The following LTN1 variants were observed in gnomAD, a reference collection of about 807,000 sequenced individuals.
LTN1 encodes E3 ubiquitin-protein ligase listerin.
Under a neutral mutation model 201.2 loss-of-function variants are expected in LTN1, and 88 were observed. The observed-to-expected ratio is 0.44, with a 90% CI of 0.37 to 0.52. LTN1 has a LOEUF of 0.52. Ranked by LOEUF, LTN1 falls within the 20% of genes least tolerant of loss-of-function variation. The probability of loss-of-function intolerance (pLI) is 0.00; values close to 1 mark genes in which losing one functional copy is unlikely to be tolerated. For synonymous variants in LTN1, 645 were observed against 713.5 expected (o/e 0.90, Z 1.53); for missense variants, 1,752 against 2,038.7 (o/e 0.86, Z 2.71).
At chr21:28,933,300 G>A (rs2084226227) in intron 27 of LTN1, among the ~76,000 whole-genome samples, 1 of 151,672 alleles carries the variant, frequency 6.6e-6, no homozygotes, top group African/African-American at 2.4e-5. Flanking sequence ...TATTCCCACT[G>A]TTACTGCCTC....
At position 28,941,245 on chromosome 21, in the gene LTN1, G is replaced by A; in HGVS notation, c.4457C>T (p.Thr1486Ile). Residue 1486 changes from threonine to isoleucine, a missense_variant, in exon 25 of 30, where the codon ACT (threonine) becomes ATT (isoleucine). This residue lies in a region of LTN1 where 261 missense variants were observed against 350.1 expected (regional missense o/e 0.75). Coordinates refer to ENST00000361371, the MANE Select transcript of LTN1 (RefSeq NM_015565.3). ...CTGTGATGATGCAGCTTTGAAGAAA[G>A]TTAGTATTAATTTCCAAGTGAGAAG... ...GYLLTWKLIL[T>I]FFKAASSQLR... 1 of 1,611,640 alleles carries A rather than the reference G, an allele frequency of 6.2e-7. No individual in the cohort carries two copies. Among genetic ancestry groups the A allele is most frequent in the Admixed American group, 1.7e-5 (1 of 59,420 alleles).
chr21:28,931,919 G>A (rs56655285), intron 28 of LTN1, among the ~76,000 whole-genome samples: 1,773 of 152,170 alleles, frequency 0.012, 24 homozygotes, highest in East Asian at 0.062. Flanking sequence ...CAGCAGAATC[G>A]CTTGAACTGG....
rs1312804405 is a variant in LTN1 at position 28,946,234 on chromosome 21, C to A, written c.3541G>T (p.Asp1181Tyr). The change falls in exon 20 of 30, where the codon GAT becomes TAT. Residue 1181 changes from aspartate to tyrosine, a missense_variant. By Grantham distance (160) the Asp-to-Tyr change is radical (BLOSUM62 -3). Around this residue, in one of 3 missense-constraint regions of LTN1, gnomAD observed 1,211 missense variants for 1,312.8 expected, o/e 0.92. Transcript: ENST00000361371. ...FNSCLQTKSI[D>Y]DGELLHGILK... ...ATTCCATGTAATAGCTCTCCATCATCTATACTTTTGGTTTGCAGACAAGAA... is the reference window on the plus strand; with the variant it reads ...ATTCCATGTAATAGCTCTCCATCATATATACTTTTGGTTTGCAGACAAGAA... 4 of 1,588,980 alleles carry A rather than the reference C, an allele frequency of 2.5e-6. No individual in the cohort carries two copies. Among genetic ancestry groups the A allele is most frequent in the South Asian group, 1.2e-5 (1 of 85,490 alleles).
intron 18 of LTN1, among the ~76,000 whole-genome samples, chr21:28,951,216 T>G (rs1568840087): frequency 1.3e-5 from 2 of 152,182 alleles, no homozygotes; most frequent in Non-Finnish European, 2.9e-5. Flanking sequence ...AATAAAAAGT[T>G]TTTTAAAACT....
In LTN1 at chr21:28,931,258, A is replaced by G. The variant is rs2084208845; in HGVS notation, c.5135T>C (p.Val1712Ala). 1 of 1,613,226 alleles carries G rather than the reference A, an allele frequency of 6.2e-7. No homozygotes were observed. The highest frequency in any genetic ancestry group is 8.5e-7 in the Non-Finnish European group (1 of 1,179,280). ...KNNVDKRFEGVEDCMICFSVI... is the reference protein window; with the variant it reads ...KNNVDKRFEGAEDCMICFSVI... ...TGAGAAACAGATCATGCAATCTTCA[A>G]CACCCTCAAAACGTTTGTCTACGTT... Residue 1712 changes from valine (V) to alanine (A), a missense_variant, in exon 29 of 30, where the codon GTT becomes GCT. Coordinates refer to ENST00000361371, the MANE Select transcript of LTN1 (RefSeq NM_015565.3).
chr21:28,937,294 T>C (rs75568548), intron 25 of LTN1, among the ~76,000 whole-genome samples: 73 of 152,366 alleles, frequency 4.8e-4, no homozygotes, highest in Non-Finnish European at 9.6e-4. Context: ...GACTTTGCAG[T>C]TCTTTGGTAT....
rs1358791258 is a variant in LTN1 at position 28,936,576 on chromosome 21, T to C, written c.4604A>G (p.Asn1535Ser). The change falls in exon 26 of 30, where the codon AAT (asparagine) becomes AGT (serine). Residue 1535 changes from asparagine to serine, a missense_variant. Transcript: ENST00000361371. ...TYAETAVEVP[N>S]KDPKTFFTEE... is the part of the protein sequence containing the mutation. ...AGTAAAGAATGTTTTAGGGTCCTTA[T>C]TTGGGACCTCAACTGCTGTCTCTGC... The C allele has an allele frequency of 1.9e-6, 3 of 1,613,910 alleles. No homozygotes were observed. The highest frequency in any genetic ancestry group is 2.5e-6 in the Non-Finnish European group (3 of 1,179,840).
rs759203373 is a variant in LTN1 at position 28,935,168 on chromosome 21, G to A, written c.4816C>T (p.Leu1606Phe). The A allele has an allele frequency of 3.1e-6, 5 of 1,613,468 alleles. No homozygotes were observed. In the East Asian group the frequency reaches 1.1e-4, roughly 36 times the overall value. The change falls in exon 27 of 30, where the codon CTT becomes TTT. Residue 1606 changes from leucine to phenylalanine, a missense_variant. Physicochemically the swap from Leu to Phe is conservative, Grantham distance 22. This residue lies in a region of LTN1 where 261 missense variants were observed against 350.1 expected (regional missense o/e 0.75). Transcript: ENST00000361371. ...RFTSKYVSSV[L>F]SFQEISSVQT... ...ACAGAAGATATTTCTTGAAAAGAAA[G>A]AACACTGCTGACATACTTGCTTGTA...
Position 28,986,488 on chromosome 21 carries a change from C to T in LTN1, c.246+243G>A. The T allele has an allele frequency of 1.5e-6, 1 of 662,976 alleles. No homozygotes were observed. Among genetic ancestry groups the T allele is most frequent in the East Asian group, 2.8e-5 (1 of 35,858 alleles). 41.1% of individuals were successfully genotyped at this position (662,976 alleles called of 1,614,324 possible). A position where few individuals can be genotyped will look rare whatever the true frequency, so the allele number is the denominator to read the frequency against. ...AGTTACAAGGTCAAAGTTACATTCC[C>T]TAATGGGAAAAACTATACAGCCAAA... On this transcript the variant is annotated intron_variant, in intron 2 of 29. Coordinates refer to ENST00000361371, the MANE Select transcript of LTN1 (RefSeq NM_015565.3). This position sits in a 1 kb window ranked among gnomAD's most constrained non-coding sequence, Gnocchi z 4.1.
intron 3 of LTN1, among the ~76,000 whole-genome samples, chr21:28,985,286 C>A (rs888913617): frequency 6.6e-6 from 1 of 151,760 alleles, no homozygotes; most frequent in Admixed American, 6.6e-5. Context: ...ATGGTGAAAC[C>A]CCGTCTCTAC....
intron 16 of LTN1, 75 bp downstream of exon 16, chr21:28,956,687 C>A: frequency 1.5e-6 from 1 of 689,206 alleles, no homozygotes; most frequent in Non-Finnish European, 2.2e-6. Flanking sequence ...ATTTAAACTG[C>A]AGTATAATCA....
At chr21:28,954,780 G>C (rs1358472995) in intron 16 of LTN1, among the ~76,000 whole-genome samples, 1 of 152,102 alleles carries the variant, frequency 6.6e-6, no homozygotes, top group Admixed American at 6.6e-5. Flanking sequence ...CATCTAAAAA[G>C]ATCAACTCAA....
At chr21:28,972,601 C>T (rs1466554945) in intron 6 of LTN1, among the ~76,000 whole-genome samples, 1 of 151,828 alleles carries the variant, frequency 6.6e-6, no homozygotes, top group Non-Finnish European at 1.5e-5. Flanking sequence ...ACTAGAAGAC[C>T]GAGCAAAAGA....
rs1474567463 is a variant in LTN1, at chr21:28,953,328, G to T, written c.3128C>A (p.Pro1043Gln). The change falls in exon 17 of 30, where the codon CCA becomes CAA. Residue 1043 changes from proline to glutamine, a missense_variant. By Grantham distance (76) the Pro-to-Gln change is moderately conservative. Transcript: ENST00000361371. Reference protein sequence around the residue: ...SLQWCEELDNPPIFLIGFCEI... With the variant: ...SLQWCEELDNQPIFLIGFCEI... ...ACAAAATCCAATTAGAAAAATAGGT[G>T]GGTTATCTAATTCTTCACACCACTG... 6.2e-7 allele frequency: 1 copy of T among 1,605,922 alleles called. No individual in the cohort carries two copies. Among genetic ancestry groups the T allele is most frequent in the South Asian group, 1.1e-5 (1 of 89,498 alleles).
rs1432991052 is a variant in LTN1 at position 28,929,737 on chromosome 21, C to A, written c.*711G>T. ...AGACTCGCTCAGAGTGATAAATTCA[C>A]TGACAAGTTTACAATTCAAATTTCA... is the stretch of plus-strand genomic sequence containing the variant. On this transcript the variant is annotated 3_prime_UTR_variant, in exon 30 of 30. Transcript: ENST00000361371. The A allele has an allele frequency of 6.6e-6, 1 of 152,070 alleles. No individual in the cohort carries two copies. Among genetic ancestry groups the A allele is most frequent in the Non-Finnish European group, 1.5e-5 (1 of 67,988 alleles). The allele number at this position is 152,070 out of a possible 1,614,324, so 9.4% of individuals were successfully genotyped here.
chr21:28,981,377 G>T, intron 5 of LTN1, 78 bp from the exon 6 acceptor site: 1 of 778,956 alleles, frequency 1.3e-6, no homozygotes, highest in South Asian at 4.6e-5. Flanking sequence ...TATTTAAAAT[G>T]TTTTATCATT....
rs769470432 is a variant in LTN1, at chr21:28,953,352, T to G, written c.3104A>C (p.Gln1035Pro). Residue 1035 changes from glutamine (Q) to proline (P), a missense_variant, in exon 17 of 30, where the codon CAG becomes CCG. By Grantham distance (76) the Gln-to-Pro change is moderately conservative. Coordinates refer to ENST00000361371, the MANE Select transcript of LTN1 (RefSeq NM_015565.3). The part of the protein sequence containing the change: ...KIIAELLYSL[Q>P]WCEELDNPPI... ...TGGGTTATCTAATTCTTCACACCACTGCAGTGAATAAAGCAGTTCTGCAAC... is the reference window on the plus strand; with the variant it reads ...TGGGTTATCTAATTCTTCACACCACGGCAGTGAATAAAGCAGTTCTGCAAC... The G allele has an allele frequency of 3.1e-6, 5 of 1,594,696 alleles. 1 individual carries two copies. In the Admixed American group the frequency reaches 9.5e-5, roughly 30 times the overall value.
chr21:28,971,095 T>C (rs1568852146), intron 7 of LTN1, among the ~76,000 whole-genome samples, 176 bp downstream of exon 7: 1 of 152,208 alleles, frequency 6.6e-6, no homozygotes, highest in Admixed American at 6.5e-5. Context: ...GTTTAAAGAA[T>C]AATTAATACT....
At position 28,981,307 on chromosome 21, in the gene LTN1, T is replaced by A. The variant is rs749171319; in HGVS notation, c.630-8A>T. 4 of 1,408,828 alleles carry A rather than the reference T, an allele frequency of 2.8e-6. No homozygotes were observed. The highest frequency in any genetic ancestry group is 3.7e-6 in the Non-Finnish European group (4 of 1,067,668). The allele number at this position is 1,408,828 out of a possible 1,614,324, so 87.3% of individuals were successfully genotyped here. ...TCTTCCTCTGGAACAGTTCTTGATA[T>A]AAAACAAAATAAATATATTTAAAAA... On this transcript the variant is annotated splice_region_variant and splice_polypyrimidine_tract_variant and intron_variant, in intron 5 of 29. Transcript: ENST00000361371.
Sources: gnomAD v4.1 joint callset for allele counts (sites outside exome capture counted in the v4.1 genomes callset) on GRCh38, gnomAD v4.1.1 for gene constraint, gnomAD v4.1.1 regional missense constraint, Gnocchi (gnomAD v3.1) non-coding constraint, MANE v1.5 for transcripts, NCBI Gene and HGNC (gene_info 2026-07-23, HGNC 2026-07-21) for gene names.